Variants in LMX1B observed in about 807,000 individuals in gnomAD.
LMX1B encodes the protein LIM homeobox transcription factor 1-beta.
A neutral mutation model predicts 51.4 loss-of-function variants in LMX1B; 12 were observed. The observed-to-expected ratio is 0.23, with a 90% CI of 0.15 to 0.38. The LOEUF is 0.38. LMX1B is among the 10% of genes least tolerant of loss of function. LMX1B has a pLI of 1.00. For synonymous variants in LMX1B, 237 were observed against 235.4 expected, an observed-to-expected ratio of 1.01 and a Z score of -0.06; for missense variants, 445 against 571.1, an observed-to-expected ratio of 0.78 and a Z score of 2.25.
At chr9:126,619,868 C>T (rs1279939818) in intron 2 of LMX1B, among the ~76,000 whole-genome samples, 2 of 152,164 alleles carry the variant, frequency 1.3e-5, no homozygotes. Context: ...TGATTGGTGA[C>T]TGTCAGCTCT....
At chr9:126,642,395 G>A (rs978003480) in intron 2 of LMX1B, among the ~76,000 whole-genome samples, 15 of 152,058 alleles carry the variant, frequency 9.9e-5, no homozygotes, top group East Asian at 1.9e-4. Context: ...TCTTCCACCC[G>A]CCCTCGGTGC....
At chr9:126,652,009 G>T (rs925754006) in intron 2 of LMX1B, among the ~76,000 whole-genome samples, 5 of 151,798 alleles carry the variant, frequency 3.3e-5, no homozygotes, top group African/African-American at 1.2e-4. Context: ...ATGGGGGGGG[G>T]CCTGCCTGCG....
At chr9:126,657,291 C>T (rs1250051591) in intron 2 of LMX1B, among the ~76,000 whole-genome samples, 1 of 152,200 alleles carries the variant, frequency 6.6e-6, no homozygotes. Context: ...GACATTTAAA[C>T]ACATAAATAT....
chr9:126,629,379 C>T (rs1457176847), intron 2 of LMX1B, among the ~76,000 whole-genome samples: 3 of 152,238 alleles, frequency 2.0e-5, no homozygotes, highest in African/African-American at 7.2e-5. Context: ...CTGCTCTCAG[C>T]ACTTTCCATT....
At position 126,614,548 on chromosome 9, in the gene LMX1B, C is replaced by T. The variant is rs1835262985; in HGVS notation, c.99C>T (p.His33=). 2.5e-6 allele frequency: 4 copies of T among 1,595,136 alleles called. No homozygotes were observed. In the Admixed American group the frequency reaches 6.9e-5, roughly 27 times the overall value. ...TGGACGGCATCAAGATGGAGGAGCACGCCCTGCGCCCCGGGCCCGCCACTC... is the reference window on the plus strand; with the variant it reads ...TGGACGGCATCAAGATGGAGGAGCATGCCCTGCGCCCCGGGCCCGCCACTC... ...KMLDGIKMEE[H]ALRPGPATLG... is the part of the protein sequence containing the mutation. Residue 33 remains histidine, a synonymous_variant, in exon 1 of 8, where the codon CAC becomes CAT. Coordinates refer to ENST00000373474, the MANE Select transcript of LMX1B (RefSeq NM_001174147.2).
intron 2 of LMX1B, among the ~76,000 whole-genome samples, chr9:126,634,735 C>T (rs10448285): frequency 0.32 from 49,260 of 151,972 alleles, 8,284 homozygotes; most frequent in Middle Eastern, 0.42. Context: ...AATTTTGTAG[C>T]GATTAATCCA....
intron 2 of LMX1B, among the ~76,000 whole-genome samples, chr9:126,646,485 C>G (rs1835904224): frequency 6.6e-6 from 1 of 152,176 alleles, no homozygotes; most frequent in African/African-American, 2.4e-5. Flanking sequence ...TCATACAGAC[C>G]CCATGTTAGG....
rs769346707 is a variant in LMX1B, at chr9:126,696,290, C to T, written c.1052-4C>T. 2 of 1,613,900 alleles carry T rather than the reference C, an allele frequency of 1.2e-6. No individual in the cohort carries two copies. Among genetic ancestry groups the T allele is most frequent in the Admixed American group, 1.7e-5 (1 of 60,004 alleles). On this transcript the variant is annotated splice_region_variant and splice_polypyrimidine_tract_variant and intron_variant, in intron 7 of 7. Transcript: ENST00000373474. ...CCGGTCCTGACACCCCTTCTGCCCC[C>T]CAGGGAACGACTCCATCTTCCATGA...
chr9:126,686,677 G>A (rs145712407), intron 2 of LMX1B, among the ~76,000 whole-genome samples: 1 of 152,154 alleles, frequency 6.6e-6, no homozygotes, highest in Non-Finnish European at 1.5e-5. Context: ...CAGGGTAAGG[G>A]CAGCTTATGA....
chr9:126,668,068 G>A (rs527862484), intron 2 of LMX1B, among the ~76,000 whole-genome samples: 1 of 152,268 alleles, frequency 6.6e-6, no homozygotes, highest in South Asian at 2.1e-4. Flanking sequence ...AGGGGGGCAG[G>A]TTGAGGGACT....
chr9:126,637,563 T>C (rs190536941), intron 2 of LMX1B, among the ~76,000 whole-genome samples: 94 of 152,206 alleles, frequency 6.2e-4, no homozygotes, highest in Non-Finnish European at 1.1e-3. Flanking sequence ...CGTGTGGTGT[T>C]GGCCATTGTG....
Position 126,696,705 on chromosome 9 carries a change from G to C in LMX1B, c.*254G>C, listed in dbSNP as rs371380792. On this transcript the variant is annotated 3_prime_UTR_variant, in exon 8 of 8. Transcript: ENST00000373474. ...CCCCAGGGACCCAGAGCTCTCGGAC[G>C]GCCACTCGCCTCCCAGCCCCACCTC... 1.8e-6 allele frequency: 1 copy of C among 555,130 alleles called. No homozygotes were observed. The highest frequency in any genetic ancestry group is 3.2e-5 in the Admixed American group (1 of 30,922). The allele number at this position is 555,130 out of a possible 1,614,324, so 34.4% of individuals were successfully genotyped here.
In LMX1B at chr9:126,692,771, C is replaced by T. The variant is rs572401853; in HGVS notation, c.560-371C>T. Among the ~76,000 whole-genome samples the T allele has an allele frequency of 9.8e-5, 15 of 152,368 alleles. No individual in the cohort carries two copies. In the South Asian group the frequency reaches 2.9e-3, roughly 29 times the overall value. ...TGCGTGCACCTGTCTGCCTGTTCCCCGAGTGGGCCTGCCTTCCTGAAAGTG... is the reference window on the plus strand; with the variant it reads ...TGCGTGCACCTGTCTGCCTGTTCCCTGAGTGGGCCTGCCTTCCTGAAAGTG... On this transcript the variant is annotated intron_variant, in intron 3 of 7. Transcript: ENST00000373474.
chr9:126,639,026 G>A (rs1011347709), intron 2 of LMX1B, among the ~76,000 whole-genome samples: 6 of 151,756 alleles, frequency 4.0e-5, no homozygotes, highest in African/African-American at 7.3e-5. Context: ...GAGAGAGAAG[G>A]GGGAGGAGAG....
chr9:126,698,211 C>G lies in LMX1B; in HGVS notation c.*1760C>G, dbSNP rs183486611. The G allele has an allele frequency of 3.3e-5, 5 of 152,372 alleles. No homozygotes were observed. Among genetic ancestry groups the G allele is most frequent in the African/African-American group, 1.2e-4 (5 of 41,452 alleles). 9.4% of individuals were successfully genotyped at this position (152,372 alleles called of 1,614,324 possible). On this transcript the variant is annotated 3_prime_UTR_variant, in exon 8 of 8. Transcript: ENST00000373474. ...TTTAGACTGAATGAGGGACCGTGAC[C>G]TCTTTCCTTTTCCATTCCTTCTTAC...
chr9:126,694,564 G>C (rs2118994770), intron 6 of LMX1B, among the ~76,000 whole-genome samples: 1 of 152,302 alleles, frequency 6.6e-6, no homozygotes. Flanking sequence ...AGCCATGAGG[G>C]AGGAGCAGGG....
In LMX1B at chr9:126,673,599, T is replaced by C. The variant is rs1246336822; in HGVS notation, c.327-17237T>C. Among the ~76,000 whole-genome samples, 1 of 152,038 alleles carries C rather than the reference T, an allele frequency of 6.6e-6. No homozygotes were observed. Among genetic ancestry groups the C allele is most frequent in the African/African-American group, 2.4e-5 (1 of 41,384 alleles). On this transcript the variant is annotated intron_variant, in intron 2 of 7. Transcript: ENST00000373474. The surrounding 1 kb of genome is among the most constrained non-coding windows in gnomAD (Gnocchi z 4.4). ...GGGGGTGGTTCCCCAGGCACCCAGCTTCACCAGGTCCCCGGGCTCTGAGAC... is the reference window on the plus strand; with the variant it reads ...GGGGGTGGTTCCCCAGGCACCCAGCCTCACCAGGTCCCCGGGCTCTGAGAC...
At chr9:126,631,893 A>G (rs1835642599) in intron 2 of LMX1B, among the ~76,000 whole-genome samples, 1 of 152,028 alleles carries the variant, frequency 6.6e-6, no homozygotes, top group South Asian at 2.1e-4. Context: ...GTTCCTGCCG[A>G]TTTTGTTACT....
At chr9:126,655,918 G>T (rs1326145730) in intron 2 of LMX1B, among the ~76,000 whole-genome samples, 1 of 152,150 alleles carries the variant, frequency 6.6e-6, no homozygotes, top group Non-Finnish European at 1.5e-5. Context: ...TCCCAAAAGG[G>T]TATAGACAGC....
Sources: gnomAD v4.1 joint callset for allele counts (sites outside exome capture counted in the v4.1 genomes callset) on GRCh38, gnomAD v4.1.1 for gene constraint, Gnocchi (gnomAD v3.1) non-coding constraint, MANE v1.5 for transcripts, NCBI Gene and HGNC (gene_info 2026-07-23, HGNC 2026-07-21) for gene names.